The following SLIT1 variants were observed in gnomAD, a reference collection of about 807,000 sequenced individuals.
SLIT1 encodes slit guidance ligand 1, also known as slit homolog 1 protein.
A neutral mutation model predicts 186.1 loss-of-function variants in SLIT1; 66 were observed. The observed-to-expected ratio is 0.35, with a 90% confidence interval of 0.29 to 0.44. SLIT1 has a LOEUF of 0.44. Ranked by LOEUF, SLIT1 falls within the 20% of genes least tolerant of loss-of-function variation. SLIT1 has a pLI of 1.00. For synonymous variants in SLIT1, 761 were observed against 833.8 expected (o/e 0.91, Z 1.50); for missense variants, 1,638 against 2,037.4 (o/e 0.80, Z 3.77).
intron 28 of SLIT1, among the ~76,000 whole-genome samples, chr10:97,016,476 G>C (rs1161828648): frequency 6.6e-6 from 1 of 152,140 alleles, no homozygotes; most frequent in East Asian, 1.9e-4. Flanking sequence ...GCTTACTGCA[G>C]CCTCAACTTC....
chr10:97,029,789 G>A (rs1350516033), intron 25 of SLIT1, among the ~76,000 whole-genome samples: 1 of 152,116 alleles, frequency 6.6e-6, no homozygotes, highest in African/African-American at 2.4e-5. Flanking sequence ...AACTCCCCAT[G>A]GCCCCTGCCT....
At chr10:97,042,401 A>C (rs1274388337) in intron 20 of SLIT1, among the ~76,000 whole-genome samples, 1 of 152,052 alleles carries the variant, frequency 6.6e-6, no homozygotes, top group Non-Finnish European at 1.5e-5. Flanking sequence ...TGTGGCGAAA[A>C]AATGAGGGAT....
At chr10:97,116,280 A>T (rs1385568859) in intron 4 of SLIT1, among the ~76,000 whole-genome samples, 1 of 152,148 alleles carries the variant, frequency 6.6e-6, no homozygotes, top group African/African-American at 2.4e-5. Flanking sequence ...TAATAATTCA[A>T]ATAATTCATC....
intron 1 of SLIT1, among the ~76,000 whole-genome samples, chr10:97,178,335 T>C (rs920992717): frequency 1.3e-5 from 2 of 152,190 alleles, no homozygotes; most frequent in Non-Finnish European, 2.9e-5. Context: ...TTATTTGGCA[T>C]TCCCTGCAAA....
intron 13 of SLIT1, among the ~76,000 whole-genome samples, chr10:97,050,817 A>C (rs1173767692): frequency 6.6e-6 from 1 of 152,236 alleles, no homozygotes; most frequent in East Asian, 1.9e-4. Context: ...TGTGTGGTGT[A>C]GAATATCTCC....
chr10:97,027,011 C>G (rs1245556983), intron 25 of SLIT1, among the ~76,000 whole-genome samples: 8 of 152,290 alleles, frequency 5.3e-5, no homozygotes, highest in South Asian at 4.2e-4. Context: ...GGAAGACTTC[C>G]CCTCTTCCAC....
intron 4 of SLIT1, among the ~76,000 whole-genome samples, chr10:97,119,500 T>G (rs1402065950): frequency 7.2e-5 from 11 of 152,088 alleles, no homozygotes; most frequent in Admixed American, 2.0e-4. Flanking sequence ...GAATTCACAA[T>G]GGCTCAAATC....
chr10:97,019,409 C>T (rs1468693717), intron 26 of SLIT1, among the ~76,000 whole-genome samples: 3 of 152,170 alleles, frequency 2.0e-5, no homozygotes, highest in Non-Finnish European at 2.9e-5. Flanking sequence ...CCATTAGGGC[C>T]GCATGATCCA....
chr10:97,155,903 G>C (rs1849944630), intron 4 of SLIT1, among the ~76,000 whole-genome samples: 1 of 152,224 alleles, frequency 6.6e-6, no homozygotes, highest in South Asian at 2.1e-4. Flanking sequence ...AGGAGTTGCT[G>C]GGGCCAAGGC....
chr10:97,040,141 C>T (rs777584619), intron 20 of SLIT1, 21 bp from the exon 21 acceptor site: 2 of 1,536,456 alleles, frequency 1.3e-6, no homozygotes, highest in Non-Finnish European at 1.7e-6. Context: ...AGGCACGAAG[C>T]CCCTGTCAGG....
At chr10:97,120,635 G>A (rs1589401306) in intron 4 of SLIT1, among the ~76,000 whole-genome samples, 1 of 152,228 alleles carries the variant, frequency 6.6e-6, no homozygotes, top group Non-Finnish European at 1.5e-5. Context: ...TGCTGAGGGT[G>A]CAGGCTAAGT....
At chr10:97,128,221 C>G (rs1164497980) in intron 4 of SLIT1, among the ~76,000 whole-genome samples, 10 of 152,178 alleles carry the variant, frequency 6.6e-5, no homozygotes, top group Non-Finnish European at 2.9e-5. Context: ...TCCCAGGGCC[C>G]TGTCCCTCCC....
intron 1 of SLIT1, among the ~76,000 whole-genome samples, chr10:97,178,790 AGTGTGTGTGT>A (rs57432718): frequency 9.3e-5 from 14 of 150,680 alleles, no homozygotes; most frequent in Non-Finnish European, 1.0e-4. Flanking sequence ...AGAGAGAGAA[AGTGTGTGTGT>A]GTGTGTGTGT....
intron 4 of SLIT1, among the ~76,000 whole-genome samples, chr10:97,137,902 CCT>C (rs1471445449): frequency 6.6e-6 from 1 of 152,156 alleles, no homozygotes; most frequent in Admixed American, 6.6e-5. Flanking sequence ...CTTGCTATGC[CCT>C]GTTTCCACAT....
chr10:97,114,533 C>T (rs1010252374), intron 4 of SLIT1, among the ~76,000 whole-genome samples: 45 of 152,088 alleles, frequency 3.0e-4, no homozygotes, highest in African/African-American at 1.1e-3. Context: ...CACTTGTAGT[C>T]CCAGAGTCCC....
intron 5 of SLIT1, 31 bp from the exon 6 acceptor site, chr10:97,064,907 G>A (rs773841025): frequency 6.3e-7 from 1 of 1,582,462 alleles, no homozygotes. Context: ...GTAGAGAGAA[G>A]GGCACATTGC....
chr10:97,172,000 C>T (rs1316346705), intron 1 of SLIT1, among the ~76,000 whole-genome samples: 2 of 151,956 alleles, frequency 1.3e-5, no homozygotes, highest in African/African-American at 4.8e-5. Flanking sequence ...GCCCACAGAG[C>T]GCCCCAACCC....
At chr10:97,029,471 C>A (rs1410971592) in intron 25 of SLIT1, among the ~76,000 whole-genome samples, 1 of 152,190 alleles carries the variant, frequency 6.6e-6, no homozygotes, top group Non-Finnish European at 1.5e-5. Context: ...CAGGCAGAGT[C>A]CACGTGGCCA....
intron 1 of SLIT1, among the ~76,000 whole-genome samples, chr10:97,174,607 C>T (rs1480755063): frequency 6.6e-6 from 1 of 152,228 alleles, no homozygotes; most frequent in Non-Finnish European, 1.5e-5. Context: ...CACCCTTGCG[C>T]CTGGGCTCCT....
Sources: allele counts gnomAD v4.1 joint callset (sites outside exome capture counted in the v4.1 genomes callset), GRCh38; gene constraint gnomAD v4.1.1; transcripts MANE v1.5; gene names NCBI Gene and HGNC (gene_info 2026-07-23, HGNC 2026-07-21).